The following GPC5 variants were observed in gnomAD, a reference collection of about 807,000 sequenced individuals.
The protein encoded by GPC5 is glypican 5, also known as glypican-5.
A neutral mutation model predicts 53.9 loss-of-function variants in GPC5; 47 were observed. The observed-to-expected ratio is 0.87, with a 90% CI of 0.69 to 1.11. GPC5 has a LOEUF of 1.11. Ranked by LOEUF, GPC5 falls within the 50% of genes most tolerant of loss-of-function variation. The pLI is 0.00. For missense variants in GPC5, 748 were observed against 713.1 expected, an observed-to-expected ratio of 1.05 and a Z score of -0.56; for synonymous variants, 286 against 263.3, an observed-to-expected ratio of 1.09 and a Z score of -0.84.
chr13:92,190,871 A>C (rs1188214855), intron 7 of GPC5, among the ~76,000 whole-genome samples: 1 of 152,114 alleles, frequency 6.6e-6, no homozygotes, highest in Non-Finnish European at 1.5e-5. Flanking sequence ...CAACTGTATC[A>C]ATAATCACCT....
chr13:92,168,817 T>G (rs1178384125), intron 7 of GPC5, among the ~76,000 whole-genome samples: 5 of 152,218 alleles, frequency 3.3e-5, no homozygotes, highest in Non-Finnish European at 4.4e-5. Context: ...TTTGGCCCAG[T>G]AATCTCATTA....
At position 91,743,295 on chromosome 13, in the gene GPC5, C is replaced by T. The variant is rs368456067; in HGVS notation, c.1155-13000C>T. Among the ~76,000 whole-genome samples the T allele has an allele frequency of 2.6e-4, 39 of 152,114 alleles. 1 individual carries two copies. The Middle Eastern group carries it at 0.01, about 40-fold the overall frequency. The stretch of plus-strand genomic sequence containing the variant: ...GTGAAGAGGATTCAAGTTCAAATTA[C>T]GATGAAATTGATGATTTTATAGGAG... On this transcript the variant is annotated intron_variant, in intron 4 of 7. Coordinates refer to ENST00000377067, the MANE Select transcript of GPC5 (RefSeq NM_004466.6).
intron 7 of GPC5, among the ~76,000 whole-genome samples, chr13:92,709,167 C>T (rs913323717): frequency 4.0e-5 from 6 of 151,808 alleles, no homozygotes; most frequent in African/African-American, 1.5e-4. Context: ...CTGCCTCAGC[C>T]TCCCAAGTAG....
chr13:92,427,499 T>C (rs1176906165), intron 7 of GPC5, among the ~76,000 whole-genome samples: 1 of 151,690 alleles, frequency 6.6e-6, no homozygotes, highest in African/African-American at 2.4e-5. Flanking sequence ...GTGAACAAGA[T>C]GATTGACAGC....
intron 7 of GPC5, among the ~76,000 whole-genome samples, chr13:92,494,152 C>G (rs555599367): frequency 9.2e-5 from 14 of 151,776 alleles, no homozygotes; most frequent in South Asian, 2.1e-4. Context: ...TGCAGTGGCG[C>G]GATCTCGGCT....
intron 7 of GPC5, among the ~76,000 whole-genome samples, chr13:92,549,111 A>T (rs1483124192): frequency 6.6e-6 from 1 of 152,108 alleles, no homozygotes; most frequent in African/African-American, 2.4e-5. Context: ...AAGATAGAGA[A>T]TGAATAAATC....
chr13:91,970,622 CA>C (rs903094651), intron 6 of GPC5, among the ~76,000 whole-genome samples: 1 of 151,802 alleles, frequency 6.6e-6, no homozygotes, highest in African/African-American at 2.4e-5. Flanking sequence ...GTAATAAAAG[CA>C]AAAAAATAGT....
chr13:92,856,600 A>G (rs1879008857), intron 7 of GPC5, among the ~76,000 whole-genome samples: 1 of 152,160 alleles, frequency 6.6e-6, no homozygotes, highest in Non-Finnish European at 1.5e-5. Context: ...AGAATGCCAA[A>G]AGTCTCCTAA....
intron 6 of GPC5, among the ~76,000 whole-genome samples, chr13:91,948,227 CA>C (rs59185061): frequency 0.96 from 127,082 of 132,508 alleles, 60,913 homozygotes; most frequent in East Asian, 0.99. Context: ...GACTCTGTCT[CA>C]AAAAAAAAAA....
chr13:92,375,146 T>G (rs547290443), intron 7 of GPC5, among the ~76,000 whole-genome samples: 1 of 152,334 alleles, frequency 6.6e-6, no homozygotes, highest in South Asian at 2.1e-4. Flanking sequence ...AGGGGGTGGA[T>G]TATATAGTCC....
chr13:92,267,251 T>C (rs904281523), intron 7 of GPC5, among the ~76,000 whole-genome samples: 2 of 152,200 alleles, frequency 1.3e-5, no homozygotes, highest in Non-Finnish European at 2.9e-5. Flanking sequence ...GCAAGGCTTT[T>C]TTTGTTTTTA....
intron 5 of GPC5, among the ~76,000 whole-genome samples, chr13:91,845,233 C>T (rs1192971110): frequency 6.6e-6 from 1 of 151,930 alleles, no homozygotes; most frequent in Non-Finnish European, 1.5e-5. Flanking sequence ...CTTTTTAATT[C>T]ATTGGCTTCT....
chr13:92,160,852 C>G (rs1282325321), intron 7 of GPC5, among the ~76,000 whole-genome samples: 1 of 152,134 alleles, frequency 6.6e-6, no homozygotes, highest in Non-Finnish European at 1.5e-5. Context: ...AATTCCAAGT[C>G]TCTCTCCTTC....
At chr13:91,594,930 A>G (rs2032935604) in intron 2 of GPC5, among the ~76,000 whole-genome samples, 1 of 151,850 alleles carries the variant, frequency 6.6e-6, no homozygotes, top group African/African-American at 2.4e-5. Context: ...TTGAGCTCCC[A>G]AAGTTCTGGA....
intron 7 of GPC5, among the ~76,000 whole-genome samples, chr13:92,586,144 A>G (rs1883531462): frequency 6.6e-6 from 1 of 152,208 alleles, no homozygotes; most frequent in African/African-American, 2.4e-5. Context: ...TCTGCTTTCA[A>G]TATGAGAAGA....
chr13:92,517,053 T>C (rs1353617750), intron 7 of GPC5, among the ~76,000 whole-genome samples: 1 of 151,914 alleles, frequency 6.6e-6, no homozygotes, highest in Non-Finnish European at 1.5e-5. Context: ...TCTCGGAGGG[T>C]CCCACACCCA....
chr13:92,792,765 A>G (rs1486235079), intron 7 of GPC5, among the ~76,000 whole-genome samples: 3 of 152,186 alleles, frequency 2.0e-5, no homozygotes, highest in Non-Finnish European at 4.4e-5. Flanking sequence ...CTTTAAACCA[A>G]CAAAGATCAA....
intron 5 of GPC5, among the ~76,000 whole-genome samples, chr13:91,768,692 T>C (rs1389924863): frequency 2.0e-5 from 3 of 152,146 alleles, no homozygotes; most frequent in Non-Finnish European, 4.4e-5. Flanking sequence ...CAACAACAGT[T>C]TAGAATAAAT....
chr13:91,751,909 T>A (rs1334398628), intron 4 of GPC5, among the ~76,000 whole-genome samples: 1 of 152,226 alleles, frequency 6.6e-6, no homozygotes, highest in Admixed American at 6.5e-5. Flanking sequence ...TTAATTCCTA[T>A]ATGGGTTTGC....
Sources: allele counts gnomAD v4.1 joint callset (sites outside exome capture counted in the v4.1 genomes callset), GRCh38; gene constraint gnomAD v4.1.1; transcripts MANE v1.5; gene names NCBI Gene and HGNC (gene_info 2026-07-23, HGNC 2026-07-21).